The following UHRF1 variants were observed in gnomAD, a reference collection of about 807,000 sequenced individuals.
The protein encoded by UHRF1 is ubiquitin like with PHD and ring finger domains 1, also known as E3 ubiquitin-protein ligase UHRF1.
Under a neutral mutation model 96.5 loss-of-function variants are expected in UHRF1, and 9 were observed. That is an observed-to-expected ratio of 0.09 (90% CI 0.06 to 0.16). UHRF1 has a LOEUF of 0.16. Among genes scored for constraint, UHRF1 ranks in the 10% least tolerant of loss-of-function variants. UHRF1 has a pLI of 1.00. For missense variants in UHRF1, 626 were observed against 1,131.1 expected (o/e 0.55, Z 6.40); for synonymous variants, 455 against 469.9 (o/e 0.97, Z 0.41).
intron 5 of UHRF1, 42 bp from the exon 6 acceptor site, chr19:4,941,486 C>T (rs2033397631): frequency 6.5e-7 from 1 of 1,529,642 alleles, no homozygotes; most frequent in African/African-American, 1.4e-5. Context: ...GATTTAGGGG[C>T]CTCGGCAGGC....
At chr19:4,942,450 A>G (rs553608768) in intron 7 of UHRF1, among the ~76,000 whole-genome samples, 2 of 151,330 alleles carry the variant, frequency 1.3e-5, no homozygotes, top group African/African-American at 4.9e-5. Flanking sequence ...TCGGCCTCCC[A>G]AAGTGCTGGG....
intron 11 of UHRF1, among the ~76,000 whole-genome samples, chr19:4,948,684 C>T (rs1251483753): frequency 2.0e-5 from 3 of 152,028 alleles, no homozygotes; most frequent in Admixed American, 6.6e-5. Context: ...CACCTGTAAT[C>T]CCAGCTACTT....
upstream of UHRF1, among the ~76,000 whole-genome samples, chr19:4,907,554 G>T (rs1044612272): frequency 6.6e-6 from 1 of 151,968 alleles, no homozygotes; most frequent in African/African-American, 2.4e-5. Context: ...ACACGTGTGA[G>T]CCACCACGCC....
In UHRF1 at chr19:4,954,107, A is replaced by G. The variant is rs1361431081; in HGVS notation, c.1819-243A>G. On this transcript the variant is annotated intron_variant, in intron 13 of 16. Coordinates refer to ENST00000650932, the MANE Select transcript of UHRF1 (RefSeq NM_001048201.3). This position sits in a 1 kb window ranked among gnomAD's most constrained non-coding sequence, Gnocchi z 5.9. ...GCGCCTCTAGACGTTGGACACTTAG[A>G]ACAGTGTGCAGTTTACAACTTAGGA... is the stretch of plus-strand genomic sequence containing the variant. Among the ~76,000 whole-genome samples, 2 of 152,130 alleles carry G rather than the reference A, an allele frequency of 1.3e-5. No homozygotes were observed. Among genetic ancestry groups the G allele is most frequent in the Non-Finnish European group, 1.5e-5 (1 of 68,030 alleles).
intron 5 of UHRF1, among the ~76,000 whole-genome samples, chr19:4,933,990 T>TGTGTGTGA (rs1201881311): frequency 2.9e-4 from 42 of 145,418 alleles, no homozygotes; most frequent in African/African-American, 9.8e-4. Context: ...TGTGTGTGTG[T>TGTGTGTGA]GTGTGTGATA....
chr19:4,938,453 T>C (rs987372990), intron 5 of UHRF1, among the ~76,000 whole-genome samples: 2 of 151,786 alleles, frequency 1.3e-5, no homozygotes, highest in African/African-American at 4.9e-5. Flanking sequence ...TCTTTACCAA[T>C]TTTATTTTTG....
intron 13 of UHRF1, among the ~76,000 whole-genome samples, chr19:4,953,521 T>G (rs1381178759): frequency 6.6e-6 from 1 of 152,090 alleles, no homozygotes; most frequent in African/African-American, 2.4e-5. Flanking sequence ...TGGAGTGTAG[T>G]GGTGTGATCA....
intron 5 of UHRF1, among the ~76,000 whole-genome samples, chr19:4,933,842 A>C (rs1451609564): frequency 6.6e-6 from 1 of 152,210 alleles, no homozygotes; most frequent in East Asian, 1.9e-4. Flanking sequence ...TTGTGTTATA[A>C]GAGCAGAGTT....
intron 2 of UHRF1, among the ~76,000 whole-genome samples, chr19:4,914,897 A>G (rs563320691): frequency 6.6e-6 from 1 of 152,176 alleles, no homozygotes; most frequent in African/African-American, 2.4e-5. Context: ...CAGGCTCACA[A>G]TGAAAGCGAA....
Position 4,941,587 on chromosome 19 carries a change from G to A in UHRF1, c.845G>A (p.Arg282Gln), listed in dbSNP as rs773476201. 2 of 1,613,738 alleles carry A rather than the reference G, an allele frequency of 1.2e-6. No individual in the cohort carries two copies. Among genetic ancestry groups the A allele is most frequent in the Non-Finnish European group, 1.7e-6 (2 of 1,179,796 alleles). The change falls in exon 6 of 17, where the codon CGG becomes CAG. Residue 282 changes from arginine (R) to glutamine (Q), a missense_variant. By Grantham distance (43) the Arg-to-Gln change is conservative (BLOSUM62 1). Transcript: ENST00000650932. ...GTGGACGAAGTCTTCAAGATTGAGC[G>A]GCCGGGTGAAGGGAGCCCCATGGTT... ...IFVDEVFKIE[R>Q]PGEGSPMVDN...
At chr19:4,952,392 C>CAT (rs1568182324) in intron 13 of UHRF1, among the ~76,000 whole-genome samples, 2 of 85,798 alleles carry the variant, frequency 2.3e-5, no homozygotes, top group Admixed American at 1.4e-4. Flanking sequence ...CCGCTCCCAG[C>CAT]CTTTTTTTTT....
At chr19:4,908,974 C>T (rs537845915), upstream of UHRF1, among the ~76,000 whole-genome samples, 1 of 152,058 alleles carries the variant, frequency 6.6e-6, no homozygotes, top group African/African-American at 2.4e-5. Context: ...GAAAACGAGG[C>T]GGGAAAAGAC....
At chr19:4,914,012 T>TCC (rs1432317754) in intron 2 of UHRF1, among the ~76,000 whole-genome samples, 2 of 151,846 alleles carry the variant, frequency 1.3e-5, no homozygotes, top group African/African-American at 4.8e-5. Context: ...ATGGGGTTTC[T>TCC]CCATGTTGGT....
At position 4,946,595 on chromosome 19, in the gene UHRF1, T is replaced by G. The variant is rs566431169; in HGVS notation, c.1411-510T>G. 4.0e-3 allele frequency among the ~76,000 whole-genome samples: 607 copies of G among 152,114 alleles called. 3 individuals carry two copies. The highest frequency in any genetic ancestry group is 0.013 in the African/African-American group (558 of 41,488). The stretch of plus-strand genomic sequence containing the variant: ...TTGAGTGTTGTTTTTTTTTTTTCTT[T>G]TTTTTGAGACCGAGTCTCATTCTGG... On this transcript the variant is annotated intron_variant, in intron 10 of 16. Transcript: ENST00000650932.
chr19:4,950,110 A>G (rs1427946773), intron 11 of UHRF1, among the ~76,000 whole-genome samples: 1 of 150,710 alleles, frequency 6.6e-6, no homozygotes, highest in Non-Finnish European at 1.5e-5. Context: ...GGCTCAGGCA[A>G]TCCTCCTGCC....
chr19:4,947,164 G>A lies in UHRF1; in HGVS notation c.1470G>A (p.Lys490=), dbSNP rs773253417. 5.6e-6 allele frequency: 9 copies of A among 1,613,334 alleles called. No homozygotes were observed. The highest frequency in any genetic ancestry group is 7.6e-6 in the Non-Finnish European group (9 of 1,179,682). The part of the protein sequence containing the change: ...GSGGRDLSGN[K]RTAEQSCDQK... ...GTGGTCGAGATCTTTCCGGCAACAA[G>A]AGGACCGCGGAACAGTCTTGTGATC... Residue 490 remains lysine, a synonymous_variant, in exon 11 of 17, where the codon AAG becomes AAA. Transcript: ENST00000650932.
chr19:4,953,664 C>T (rs2033778265), intron 13 of UHRF1, among the ~76,000 whole-genome samples: 1 of 152,110 alleles, frequency 6.6e-6, no homozygotes, highest in Non-Finnish European at 1.5e-5. Context: ...GGGGATCTTG[C>T]TATGTTGCCC....
intron 11 of UHRF1, among the ~76,000 whole-genome samples, chr19:4,949,774 T>G (rs542303887): frequency 6.6e-6 from 1 of 152,100 alleles, no homozygotes; most frequent in South Asian, 2.1e-4. Context: ...GAGGCTGCAG[T>G]GAGTAAGGCG....
At position 4,909,594 on chromosome 19, in the gene UHRF1, C is replaced by T. The variant is rs1387710738; in HGVS notation, c.-72C>T. Reference sequence around the variant, plus strand: ...GGGGTCCGGGCCACGCACGCGGTTTCATCGCCATCCCCAGCCGGGCCACGC... The same window carrying T: ...GGGGTCCGGGCCACGCACGCGGTTTTATCGCCATCCCCAGCCGGGCCACGC... On this transcript the variant is annotated 5_prime_UTR_variant, in exon 1 of 17. Transcript: ENST00000650932. The T allele has an allele frequency of 1.2e-5, 8 of 647,906 alleles. No individual in the cohort carries two copies. The highest frequency in any genetic ancestry group is 3.3e-5 in the East Asian group (1 of 30,432). 40.1% of individuals were successfully genotyped at this position (647,906 alleles called of 1,614,324 possible).
Sources: allele counts gnomAD v4.1 joint callset (sites outside exome capture counted in the v4.1 genomes callset), GRCh38; gene constraint gnomAD v4.1.1; non-coding constraint Gnocchi (gnomAD v3.1); transcripts MANE v1.5; gene names NCBI Gene and HGNC (gene_info 2026-07-23, HGNC 2026-07-21).